The following SHISA9 variants were observed in gnomAD, a reference collection of about 807,000 sequenced individuals.
The protein encoded by SHISA9 is protein shisa-9.
In SHISA9, 13 loss-of-function variants were observed where a neutral mutation model predicts 38.0. That is an observed-to-expected ratio of 0.34 (90% confidence interval 0.22 to 0.54). SHISA9 has a LOEUF of 0.54. SHISA9 is among the 20% of genes least tolerant of loss of function. The pLI is 0.91. For synonymous variants in SHISA9, 275 were observed against 242.0 expected, an observed-to-expected ratio of 1.14 and a Z score of -1.27; for missense variants, 538 against 575.8, an observed-to-expected ratio of 0.93 and a Z score of 0.67.
the SHISA9 span, among the ~76,000 whole-genome samples, chr16:13,484,858 G>A: frequency 8.3e-4 from 127 of 152,154 alleles, no homozygotes; most frequent in African/African-American, 2.8e-3. Flanking sequence ...CAAGGGGGAC[G>A]TCCACTCCCA....
chr16:13,114,566 A>T (rs1254940968), intron 2 of SHISA9, among the ~76,000 whole-genome samples: 2 of 151,588 alleles, frequency 1.3e-5, no homozygotes, highest in Admixed American at 6.6e-5. Flanking sequence ...ACATTTGGTT[A>T]TTGCTAACAA....
chr16:12,910,808 C>T, intron 1 of SHISA9: 1 of 853,718 alleles, frequency 1.2e-6, no homozygotes, highest in Non-Finnish European at 1.4e-6. Context: ...CCAAAATCTC[C>T]AGAGCCTCTG....
the SHISA9 span, among the ~76,000 whole-genome samples, chr16:13,302,352 A>G: frequency 6.6e-6 from 1 of 152,140 alleles, no homozygotes; most frequent in Non-Finnish European, 1.5e-5. Flanking sequence ...AGCCTCCCCT[A>G]TAAATAGTTC....
chr16:13,517,456 C>T, the SHISA9 span, among the ~76,000 whole-genome samples: 1 of 152,174 alleles, frequency 6.6e-6, no homozygotes, highest in Non-Finnish European at 1.5e-5. Context: ...GAAAGTGCAC[C>T]ACTTGTATCT....
chr16:13,400,698 A>G, the SHISA9 span, among the ~76,000 whole-genome samples: 2 of 152,174 alleles, frequency 1.3e-5, no homozygotes, highest in Non-Finnish European at 2.9e-5. Context: ...CCCTGACTCC[A>G]TGTCTGAACA....
the SHISA9 span, among the ~76,000 whole-genome samples, chr16:13,386,724 T>C: frequency 6.6e-6 from 1 of 152,240 alleles, no homozygotes; most frequent in East Asian, 1.9e-4. Flanking sequence ...GCTTTTTCCT[T>C]TCTGCAGCAA....
chr16:13,533,724 T>A, the SHISA9 span, among the ~76,000 whole-genome samples: 1,428 of 152,052 alleles, frequency 9.4e-3, 13 homozygotes, highest in Middle Eastern at 0.027. Context: ...CTGCATCAAT[T>A]TCCCCCTCTT....
At chr16:13,292,126 G>C in the SHISA9 span, among the ~76,000 whole-genome samples, 3 of 151,560 alleles carry the variant, frequency 2.0e-5, no homozygotes, top group Non-Finnish European at 4.4e-5. Context: ...AGACATCATG[G>C]CCCCCTTGGG....
At chr16:13,374,305 A>G in the SHISA9 span, among the ~76,000 whole-genome samples, 2 of 151,866 alleles carry the variant, frequency 1.3e-5, no homozygotes, top group Admixed American at 6.6e-5. Context: ...TCCTAATGCT[A>G]TCCCTCCCCT....
the SHISA9 span, among the ~76,000 whole-genome samples, chr16:13,430,217 A>G: frequency 2.0e-5 from 3 of 152,352 alleles, no homozygotes; most frequent in Admixed American, 2.0e-4. Context: ...AGTCTGTGAT[A>G]CTTTCTTAAG....
At chr16:13,020,561 G>A (rs1454887300) in intron 2 of SHISA9, among the ~76,000 whole-genome samples, 1 of 152,108 alleles carries the variant, frequency 6.6e-6, no homozygotes, top group Non-Finnish European at 1.5e-5. Context: ...TAACCTTAAT[G>A]ACTTCCTTAA....
intron 2 of SHISA9, among the ~76,000 whole-genome samples, chr16:13,091,459 T>C (rs192974970): frequency 6.6e-6 from 1 of 152,334 alleles, no homozygotes; most frequent in African/African-American, 2.4e-5. Flanking sequence ...ATTTGATCTT[T>C]TCATGTAGTC....
chr16:13,547,439 C>G, the SHISA9 span, among the ~76,000 whole-genome samples: 1 of 152,134 alleles, frequency 6.6e-6, no homozygotes, highest in Non-Finnish European at 1.5e-5. Flanking sequence ...AAGATGCTGT[C>G]TGCAAGCTGG....
At chr16:13,135,067 G>A (rs2050337010) in intron 2 of SHISA9, among the ~76,000 whole-genome samples, 1 of 152,178 alleles carries the variant, frequency 6.6e-6, no homozygotes, top group South Asian at 2.1e-4. Context: ...GACTCACCTT[G>A]CTGTCAATTC....
downstream of SHISA9, among the ~76,000 whole-genome samples, chr16:13,244,731 A>G (rs184079172): frequency 6.6e-6 from 1 of 152,188 alleles, no homozygotes; most frequent in Admixed American, 6.5e-5. Context: ...GCATTGTTCT[A>G]GGGTCAGCTG....
At chr16:13,087,147 CTTTTTTTTT>C (rs956913326) in intron 2 of SHISA9, among the ~76,000 whole-genome samples, 2 of 81,628 alleles carry the variant, frequency 2.5e-5, no homozygotes, top group African/African-American at 4.8e-5. Flanking sequence ...ATGAACTCGT[CTTTTTTTTT>C]TTTTTTTTTT....
intron 2 of SHISA9, among the ~76,000 whole-genome samples, chr16:12,925,026 G>C (rs1391875161): frequency 6.6e-6 from 1 of 152,028 alleles, no homozygotes; most frequent in African/African-American, 2.4e-5. Flanking sequence ...ATTGTTTGTA[G>C]AATGAGTGAC....
the SHISA9 span, among the ~76,000 whole-genome samples, chr16:13,419,927 C>T: frequency 0.74 from 112,678 of 152,052 alleles, 41,940 homozygotes; most frequent in Admixed American, 0.82. Flanking sequence ...GCGTTAATCA[C>T]TGTGAATAAG....
the SHISA9 span, among the ~76,000 whole-genome samples, chr16:13,551,045 A>C: frequency 2.0e-5 from 3 of 151,736 alleles, no homozygotes; most frequent in Admixed American, 6.6e-5. Flanking sequence ...AATCGCTTGA[A>C]CCTGGGAGGC....
Sources: allele counts gnomAD v4.1 joint callset (sites outside exome capture counted in the v4.1 genomes callset), GRCh38; gene constraint gnomAD v4.1.1; transcripts MANE v1.5; gene names NCBI Gene and HGNC (gene_info 2026-07-23, HGNC 2026-07-21).